RYR3: variants seen among roughly 807,000 people sequenced by gnomAD.
RYR3 encodes brain ryanodine receptor-calcium release channel.
RYR3 carries 207 observed loss-of-function variants against 584.3 expected under a neutral mutation model. The observed-to-expected ratio is 0.35, with a 90% confidence interval of 0.32 to 0.40. RYR3 has a LOEUF of 0.40. RYR3 is among the 10% of genes least tolerant of loss of function. The pLI, the probability that RYR3 is intolerant of heterozygous loss-of-function variation, is 1.00. For missense variants in RYR3, 5,616 were observed against 6,089.2 expected, an observed-to-expected ratio of 0.92 and a Z score of 2.59; for synonymous variants, 2,416 against 2,248.5, an observed-to-expected ratio of 1.07 and a Z score of -2.11.
chr15:33,435,761 C>G (rs1402712855), intron 1 of RYR3, among the ~76,000 whole-genome samples: 1 of 152,140 alleles, frequency 6.6e-6, no homozygotes, highest in African/African-American at 2.4e-5. Context: ...TGCAGACCCT[C>G]GCAGTGTTAC....
chr15:33,841,822 C>A, intron 90 of RYR3, 42 bp from the exon 91 acceptor site: 1 of 1,556,116 alleles, frequency 6.4e-7, no homozygotes, highest in Non-Finnish European at 8.7e-7. Flanking sequence ...GGCCAGACCG[C>A]CCTCCCGTCT....
At chr15:33,679,714 T>G (rs2064450001) in intron 38 of RYR3, among the ~76,000 whole-genome samples, 1 of 152,182 alleles carries the variant, frequency 6.6e-6, no homozygotes, top group Non-Finnish European at 1.5e-5. Context: ...CTTGTTCCCA[T>G]ACCACACTTA....
chr15:33,503,432 A>T (rs1421093369), intron 2 of RYR3, among the ~76,000 whole-genome samples, 199 bp from the exon 3 acceptor site: 1 of 152,130 alleles, frequency 6.6e-6, no homozygotes, highest in Non-Finnish European at 1.5e-5. Context: ...TATTCCCTTG[A>T]TATATGGGGC....
In RYR3 at chr15:33,604,177, G is replaced by A. The variant is rs995619584; in HGVS notation, c.2164+813G>A. On this transcript the variant is annotated intron_variant, in intron 18 of 103. Coordinates refer to ENST00000634891, the MANE Select transcript of RYR3 (RefSeq NM_001036.6). ...TATAGAAATCCCTTACGTAAGCATT[G>A]TGCCGTGTGCCCGTTACATAAGTAA... Among the ~76,000 whole-genome samples the A allele has an allele frequency of 2.6e-5, 4 of 152,326 alleles. No homozygotes were observed. The East Asian group carries it at 7.7e-4, about 29-fold the overall frequency.
chr15:33,631,967 G>A (rs770659510), intron 23 of RYR3, among the ~76,000 whole-genome samples: 2 of 152,124 alleles, frequency 1.3e-5, no homozygotes, highest in African/African-American at 4.8e-5. Context: ...TCTCACACAC[G>A]CAACTCCTAG....
intron 57 of RYR3, among the ~76,000 whole-genome samples, chr15:33,751,677 G>T (rs1453056742): frequency 6.6e-6 from 1 of 151,840 alleles, no homozygotes; most frequent in African/African-American, 2.4e-5. Context: ...CAATTCTGTA[G>T]GTTGCCTGTT....
chr15:33,652,826 G>A lies in RYR3; in HGVS notation c.4251G>A (p.Leu1417=), dbSNP rs2062566467. ...VDLEIGCLVD[L]AMGMLSFSAN... Reference sequence around the variant, plus strand: ...TGGAGATCGGCTGTCTCGTGGATCTGGCCATGGGCATGTTGTCCTTCTCAG... The same window carrying A: ...TGGAGATCGGCTGTCTCGTGGATCTAGCCATGGGCATGTTGTCCTTCTCAG... Residue 1417 remains leucine, a synonymous_variant, in exon 32 of 104, where the codon CTG becomes CTA. Coordinates refer to ENST00000634891, the MANE Select transcript of RYR3 (RefSeq NM_001036.6). The A allele has an allele frequency of 6.2e-7, 1 of 1,613,702 alleles. No individual in the cohort carries two copies. The highest frequency in any genetic ancestry group is 8.5e-7 in the Non-Finnish European group (1 of 1,179,846).
intron 1 of RYR3, among the ~76,000 whole-genome samples, chr15:33,394,842 G>C (rs1183888471): frequency 6.6e-6 from 1 of 152,192 alleles, no homozygotes; most frequent in Non-Finnish European, 1.5e-5. Flanking sequence ...GATTTTGAAA[G>C]CCAGTTCTGA....
chr15:33,494,107 T>C (rs934749533), intron 2 of RYR3, among the ~76,000 whole-genome samples: 1 of 152,130 alleles, frequency 6.6e-6, no homozygotes, highest in Non-Finnish European at 1.5e-5. Context: ...TGGCTATTTT[T>C]TTTTTTAGCT....
At position 33,426,032 on chromosome 15, in the gene RYR3, TA is replaced by T. The variant is rs540509327; in HGVS notation, c.52-47384del. 5.9e-5 allele frequency among the ~76,000 whole-genome samples: 9 copies of T among 152,294 alleles called. No individual in the cohort carries two copies. In the East Asian group the frequency reaches 1.7e-3, roughly 29 times the overall value. On this transcript the variant is annotated intron_variant, in intron 1 of 103. Transcript: ENST00000634891. ...AGCTCCCTGACCCTCTGATGTTATG[TA>T]AAGATCAAAAATCTTAATTAAAGCT...
chr15:33,360,807 A>G (rs992670732), intron 1 of RYR3, among the ~76,000 whole-genome samples: 1 of 152,140 alleles, frequency 6.6e-6, no homozygotes, highest in Non-Finnish European at 1.5e-5. Context: ...ATTGAAGGTA[A>G]ATTATTTTCT....
intron 60 of RYR3, among the ~76,000 whole-genome samples, chr15:33,762,923 T>C (rs1203346951): frequency 6.6e-6 from 1 of 152,144 alleles, no homozygotes; most frequent in African/African-American, 2.4e-5. Flanking sequence ...AACAGAGATA[T>C]AGACCAATGG....
At chr15:33,675,974 A>G (rs1370854360) in intron 38 of RYR3, among the ~76,000 whole-genome samples, 3 of 113,092 alleles carry the variant, frequency 2.7e-5, no homozygotes, top group Admixed American at 1.8e-4. Context: ...GGTAGCCAGG[A>G]TAATTGCCCC....
chr15:33,771,789 T>G lies in RYR3; in HGVS notation c.8817-131T>G, dbSNP rs1315044481. The G allele has an allele frequency of 7.5e-6, 5 of 664,330 alleles. No homozygotes were observed. The African/African-American group carries it at 9.0e-5, about 12-fold the overall frequency. The allele number at this position is 664,330 out of a possible 1,614,324, so 41.2% of individuals were successfully genotyped here. A position where few individuals can be genotyped will look rare whatever the true frequency, so the allele number is the denominator to read the frequency against. Reference sequence around the variant, plus strand: ...TCCTGGATGTTAACTGCTCTCTCCCTTTCTCCTGACACAGTGTCATTGAGT... The same window carrying G: ...TCCTGGATGTTAACTGCTCTCTCCCGTTCTCCTGACACAGTGTCATTGAGT... On this transcript the variant is annotated intron_variant, in intron 62 of 103. Coordinates refer to ENST00000634891, the MANE Select transcript of RYR3 (RefSeq NM_001036.6).
chr15:33,666,120 T>C (rs1157685812), intron 36 of RYR3, among the ~76,000 whole-genome samples: 3 of 152,176 alleles, frequency 2.0e-5, no homozygotes, highest in Non-Finnish European at 2.9e-5. Flanking sequence ...TTCTCATGCC[T>C]CAGCCTCCCA....
chr15:33,663,076 T>G, intron 35 of RYR3, 128 bp downstream of exon 35: 2 of 774,470 alleles, frequency 2.6e-6, no homozygotes, highest in Non-Finnish European at 4.2e-6. Flanking sequence ...TGACCAAGAG[T>G]GCTTGATGAT....
In RYR3 at chr15:33,857,783, G is replaced by C. The variant is rs771187386; in HGVS notation, c.14011G>C (p.Val4671Leu). ...TTCTCTGTCCTCTCATTCCCAGTTG[G>C]TTCTGACTGTCGGTCTCCTGGCCGT... is the stretch of plus-strand genomic sequence containing the variant. ...SSVTHNGKQL[V>L]LTVGLLAVVV... Residue 4671 changes from valine (V) to leucine (L), a missense_variant, in exon 99 of 104, where the codon GTT becomes CTT. By Grantham distance (32) the Val-to-Leu change is conservative. Around this residue, in one of 9 missense-constraint regions of RYR3, gnomAD observed 918 missense variants for 887.4 expected, o/e 1.03. Transcript: ENST00000634891. 1.2e-6 allele frequency: 2 copies of C among 1,613,882 alleles called. No homozygotes were observed. Among genetic ancestry groups the C allele is most frequent in the African/African-American group, 2.7e-5 (2 of 74,920 alleles).
At chr15:33,527,491 G>A (rs2054491100) in intron 3 of RYR3, among the ~76,000 whole-genome samples, 1 of 151,796 alleles carries the variant, frequency 6.6e-6, no homozygotes, top group Non-Finnish European at 1.5e-5. Context: ...GGCTGAGGCA[G>A]GAGAATTGCT....
At chr15:33,688,057 A>T (rs1364154848) in intron 38 of RYR3, among the ~76,000 whole-genome samples, 3 of 152,206 alleles carry the variant, frequency 2.0e-5, no homozygotes, top group African/African-American at 7.2e-5. Context: ...GCCAAAATAG[A>T]CAAATGGGAT....
Sources: gnomAD v4.1 joint callset for allele counts (sites outside exome capture counted in the v4.1 genomes callset) on GRCh38, gnomAD v4.1.1 for gene constraint, gnomAD v4.1.1 regional missense constraint, MANE v1.5 for transcripts, NCBI Gene and HGNC (gene_info 2026-07-23, HGNC 2026-07-21) for gene names.